The following SETD3 variants were observed in gnomAD, a reference collection of about 807,000 sequenced individuals.
The protein encoded by SETD3 is actin-histidine N-methyltransferase.
Under a neutral mutation model 63.0 loss-of-function variants are expected in SETD3, and 19 were observed. The observed-to-expected ratio is 0.30, with a 90% confidence interval of 0.21 to 0.44. The LOEUF (loss-of-function observed/expected upper bound fraction) is 0.44, where lower values mean the gene tolerates loss of function less well. SETD3 is among the 20% of genes least tolerant of loss of function. SETD3 has a pLI of 1.00. For synonymous variants in SETD3, 286 were observed against 264.1 expected (o/e 1.08, Z -0.80); for missense variants, 587 against 728.5 (o/e 0.81, Z 2.24).
upstream of SETD3, among the ~76,000 whole-genome samples, chr14:99,485,211 C>T (rs1446293485): frequency 1.3e-5 from 2 of 152,122 alleles, no homozygotes; most frequent in African/African-American, 4.8e-5. Context: ...AGGAGTTTGG[C>T]CAGTTACAGA....
Position 99,413,935 on chromosome 14 carries a change from C to A in SETD3, c.676-1G>T. 1.2e-6 allele frequency: 2 copies of A among 1,613,814 alleles called. No individual in the cohort carries two copies. The highest frequency in any genetic ancestry group is 2.2e-5 in the South Asian group (2 of 91,060). ...GTAGTTTGTTGGCATGAGGATGGGT[C>A]TGGGAATTAGAAGTTTTAGAAAGCA... On this transcript the variant is annotated splice_acceptor_variant, in intron 6 of 12. Transcript: ENST00000331768. LOFTEE classifies it high-confidence loss of function.
intron 6 of SETD3, among the ~76,000 whole-genome samples, chr14:99,418,472 A>G: frequency 6.6e-6 from 1 of 152,094 alleles, no homozygotes; most frequent in Non-Finnish European, 1.5e-5. Context: ...ACAAACTCTC[A>G]CATTTGGCCT....
At chr14:99,463,231 T>C (rs1022974143) in intron 3 of SETD3, among the ~76,000 whole-genome samples, 1 of 152,246 alleles carries the variant, frequency 6.6e-6, no homozygotes, top group Non-Finnish European at 1.5e-5. Context: ...TAAAATTGTA[T>C]CATTTTAGCA....
intron 4 of SETD3, among the ~76,000 whole-genome samples, chr14:99,460,602 A>C (rs1319666906): frequency 1.3e-5 from 2 of 152,056 alleles, no homozygotes; most frequent in Non-Finnish European, 2.9e-5. Context: ...GCCTCCTCTT[A>C]GAAGAGACAT....
rs555446301 is a variant in SETD3 at position 99,398,014 on chromosome 14, A to T, written c.*665T>A. On this transcript the variant is annotated 3_prime_UTR_variant, in exon 13 of 13. Transcript: ENST00000331768. ...AGGAGAAAGGACAAGTTCTTAGTAC[A>T]GTAAAACAAAACACAAAAGTAAACA... The T allele has an allele frequency of 6.5e-5, 10 of 152,772 alleles. No homozygotes were observed. The highest frequency in any genetic ancestry group is 1.3e-4 in the Admixed American group (2 of 15,306). 9.5% of individuals were successfully genotyped at this position (152,772 alleles called of 1,614,324 possible). A position where few individuals can be genotyped will look rare whatever the true frequency, so the allele number is the denominator to read the frequency against.
Position 99,463,592 on chromosome 14 carries a change from G to A in SETD3, c.104-14C>T, listed in dbSNP as rs1443633211. Reference sequence around the variant, plus strand: ...GACTGCTGCATTCTGTAACATAAGAGGCATGGTACTGAAACACTTCTCTCT... The same window carrying A: ...GACTGCTGCATTCTGTAACATAAGAAGCATGGTACTGAAACACTTCTCTCT... On this transcript the variant is annotated splice_polypyrimidine_tract_variant and intron_variant, in intron 2 of 12. Coordinates refer to ENST00000331768, the MANE Select transcript of SETD3 (RefSeq NM_032233.3). 2 of 1,599,562 alleles carry A rather than the reference G, an allele frequency of 1.3e-6. No homozygotes were observed. The highest frequency in any genetic ancestry group is 1.7e-5 in the Admixed American group (1 of 59,794).
intron 6 of SETD3, among the ~76,000 whole-genome samples, chr14:99,430,298 G>A (rs1247031864): frequency 1.3e-5 from 2 of 152,184 alleles, no homozygotes; most frequent in South Asian, 4.1e-4. Flanking sequence ...TGAGGTTTCT[G>A]GCCCATCCAG....
At chr14:99,406,297 CTG>C (rs1281218079) in intron 9 of SETD3, among the ~76,000 whole-genome samples, 1 of 152,136 alleles carries the variant, frequency 6.6e-6, no homozygotes, top group Non-Finnish European at 1.5e-5. Context: ...ATCTTTTTCT[CTG>C]TGGACCCAAA....
Position 99,460,727 on chromosome 14 carries a change from G to A in SETD3, c.345+465C>T, listed in dbSNP as rs781150333. ...AGCCCTTCTTCCTTAGTAGGTGGCT[G>A]TTTCTCTCTCCTCTCCCTATTGCCA... is the stretch of plus-strand genomic sequence containing the variant. On this transcript the variant is annotated intron_variant, in intron 4 of 12. Transcript: ENST00000331768. 3.9e-5 allele frequency among the ~76,000 whole-genome samples: 6 copies of A among 152,298 alleles called. No individual in the cohort carries two copies. The South Asian group carries it at 8.3e-4, about 21-fold the overall frequency.
intron 10 of SETD3, among the ~76,000 whole-genome samples, chr14:99,404,570 C>T (rs7144008): frequency 0.041 from 6,189 of 152,266 alleles, 409 homozygotes; most frequent in African/African-American, 0.14. Flanking sequence ...GCTGTAATCT[C>T]AGGTTGCACA....
intron 6 of SETD3, among the ~76,000 whole-genome samples, chr14:99,455,047 T>C (rs1470440391): frequency 6.6e-6 from 1 of 152,254 alleles, no homozygotes; most frequent in Non-Finnish European, 1.5e-5. Context: ...TTCCAAATTA[T>C]ATTTAATTCC....
intron 1 of SETD3, among the ~76,000 whole-genome samples, chr14:99,473,368 C>T (rs1442802371): frequency 6.6e-6 from 1 of 152,128 alleles, no homozygotes; most frequent in Non-Finnish European, 1.5e-5. Context: ...ACATAATGAA[C>T]TGATTTGGAT....
chr14:99,417,210 T>C (rs898001354), intron 6 of SETD3, among the ~76,000 whole-genome samples: 1 of 152,226 alleles, frequency 6.6e-6, no homozygotes, highest in Non-Finnish European at 1.5e-5. Flanking sequence ...ATAAAACCTA[T>C]GGATTATAAG....
At chr14:99,429,498 G>C (rs1224781679) in intron 6 of SETD3, among the ~76,000 whole-genome samples, 1 of 152,226 alleles carries the variant, frequency 6.6e-6, no homozygotes, top group Admixed American at 6.5e-5. Context: ...TAAACGGGAT[G>C]TAAGAGACTT....
intron 6 of SETD3, among the ~76,000 whole-genome samples, chr14:99,451,928 G>C (rs766464802): frequency 2.8e-4 from 43 of 152,144 alleles, no homozygotes; most frequent in Admixed American, 7.2e-4. Context: ...AACATCTCAT[G>C]AAGAAGATGT....
At chr14:99,466,516 C>T (rs1895382555) in intron 1 of SETD3, among the ~76,000 whole-genome samples, 2 of 152,120 alleles carry the variant, frequency 1.3e-5, no homozygotes, top group African/African-American at 4.8e-5. Flanking sequence ...TAGGACACGC[C>T]ATGGTGTCCT....
chr14:99,465,592 G>T, intron 2 of SETD3, 111 bp downstream of exon 2: 2 of 818,482 alleles, frequency 2.4e-6, no homozygotes, highest in Non-Finnish European at 4.0e-6. Flanking sequence ...CAGCTAATAA[G>T]CTTGGACCTG....
At chr14:99,444,560 T>TACA (rs1894021907) in intron 6 of SETD3, 1 of 152,194 alleles carries the variant, frequency 6.6e-6, no homozygotes, top group Non-Finnish European at 1.5e-5. Flanking sequence ...TCTTATACAT[T>TACA]ACATGTATCA....
In SETD3 at chr14:99,460,884, G is replaced by C. The variant is rs1285352455; in HGVS notation, c.345+308C>G. Among the ~76,000 whole-genome samples, 3 of 152,284 alleles carry C rather than the reference G, an allele frequency of 2.0e-5. No individual in the cohort carries two copies. In the East Asian group the frequency reaches 5.8e-4, roughly 29 times the overall value. ...CAGTAAGTTACAAAATCCAAACCAT[G>C]AGTCCACCTCCTTATCTTTAGGTAA... is the stretch of plus-strand genomic sequence containing the variant. On this transcript the variant is annotated intron_variant, in intron 4 of 12. Coordinates refer to ENST00000331768, the MANE Select transcript of SETD3 (RefSeq NM_032233.3).
Sources: allele counts gnomAD v4.1 joint callset (sites outside exome capture counted in the v4.1 genomes callset), GRCh38; gene constraint gnomAD v4.1.1; transcripts MANE v1.5; gene names NCBI Gene and HGNC (gene_info 2026-07-23, HGNC 2026-07-21).